The following PSMF1 variants were observed in gnomAD, a reference collection of about 807,000 sequenced individuals.
The protein encoded by PSMF1 is proteasome inhibitor subunit 1, also known as proteasome inhibitor PI31 subunit.
Under a neutral mutation model 29.3 loss-of-function variants are expected in PSMF1, and 30 were observed. The ratio of observed to expected loss-of-function variants is 1.02; its 90% confidence interval spans 0.77 to 1.39. The LOEUF is 1.39. Ranked by LOEUF, PSMF1 falls within the 40% of genes most tolerant of loss-of-function variation. The pLI is 0.00. For missense variants in PSMF1, 344 were observed against 357.5 expected (o/e 0.96, Z 0.31); for synonymous variants, 134 against 139.7 (o/e 0.96, Z 0.29).
Position 1,166,687 on chromosome 20 carries a change from T to C in PSMF1, c.*1607T>C, listed in dbSNP as rs768877793. On this transcript the variant is annotated 3_prime_UTR_variant, in exon 7 of 7. Transcript: ENST00000335877. The stretch of plus-strand genomic sequence containing the variant: ...GGGAAGCCAACCACCTTGAAACCTT[T>C]AGAACATCTCTGCTTTGGAGAAAGA... The C allele has an allele frequency of 1.1e-4, 22 of 193,174 alleles. No individual in the cohort carries two copies. Among genetic ancestry groups the C allele is most frequent in the Admixed American group, 5.2e-5 (1 of 19,080 alleles). The allele number at this position is 193,174 out of a possible 1,614,324, so 12.0% of individuals were successfully genotyped here. A position where few individuals can be genotyped will look rare whatever the true frequency, so the allele number is the denominator to read the frequency against.
Position 1,165,885 on chromosome 20 carries a change from T to C in PSMF1, c.*805T>C, listed in dbSNP as rs1264070801. On this transcript the variant is annotated 3_prime_UTR_variant, in exon 7 of 7. Coordinates refer to ENST00000335877, the MANE Select transcript of PSMF1 (RefSeq NM_006814.5). ...AATCTTATTTTTGCCACTAACTTAG[T>C]GAATGACCCTAAGCAAGTTCCTTCT... 4 of 1,201,010 alleles carry C rather than the reference T, an allele frequency of 3.3e-6. No homozygotes were observed. The highest frequency in any genetic ancestry group is 3.1e-6 in the Non-Finnish European group (3 of 959,474). The allele number at this position is 1,201,010 out of a possible 1,614,324, so 74.4% of individuals were successfully genotyped here. A position where few individuals can be genotyped will look rare whatever the true frequency, so the allele number is the denominator to read the frequency against.
rs569802177 is a variant in PSMF1 at position 1,131,890 on chromosome 20, G to A, written c.366-3231G>A. ...GGCCTGAATTTTACACATGCCTAGG[G>A]AGATCAGAGGCCTCCCTCTGATCTG... On this transcript the variant is annotated intron_variant, in intron 3 of 6. Coordinates refer to ENST00000335877, the MANE Select transcript of PSMF1 (RefSeq NM_006814.5). Among the ~76,000 whole-genome samples, 11 of 152,218 alleles carry A rather than the reference G, an allele frequency of 7.2e-5. No individual in the cohort carries two copies. The South Asian group carries it at 2.3e-3, about 32-fold the overall frequency.
chr20:1,156,726 G>T (rs2086599163), intron 4 of PSMF1, among the ~76,000 whole-genome samples: 2 of 152,132 alleles, frequency 1.3e-5, no homozygotes, highest in African/African-American at 4.8e-5. Context: ...GAAACTAAGA[G>T]AATTCATAGT....
intron 4 of PSMF1, among the ~76,000 whole-genome samples, chr20:1,143,380 A>G (rs540220672): frequency 6.6e-5 from 10 of 152,342 alleles, no homozygotes; most frequent in South Asian, 4.1e-4. Context: ...AAACAAGTCA[A>G]TGGAGGAAAG....
chr20:1,164,965 TG>T lies in PSMF1; in HGVS notation c.765-63del, dbSNP rs1471651321. 5.0e-6 allele frequency: 7 copies of T among 1,400,654 alleles called. No homozygotes were observed. The Admixed American group carries it at 1.0e-4, about 20-fold the overall frequency. The allele number at this position is 1,400,654 out of a possible 1,614,324, so 86.8% of individuals were successfully genotyped here. ...GGCAGGCTCCCTCAGTGCAGGGTCA[TG>T]TCTGCCCATGTTCCCCTGGTCTCTC... On this transcript the variant is annotated intron_variant, in intron 6 of 6. Transcript: ENST00000335877. The surrounding 1 kb of genome is among the most constrained non-coding windows in gnomAD (Gnocchi z 4.1).
chr20:1,126,746 G>C (rs144221125), intron 2 of PSMF1, among the ~76,000 whole-genome samples: 55 of 152,208 alleles, frequency 3.6e-4, no homozygotes, highest in Middle Eastern at 3.4e-3. Context: ...GGGCGTGGTC[G>C]TGGGTGCCTG....
In PSMF1 at chr20:1,163,598, C is replaced by T. The variant is rs2086693424; in HGVS notation, c.605+415C>T. Among the ~76,000 whole-genome samples the T allele has an allele frequency of 6.6e-6, 1 of 152,254 alleles. No homozygotes were observed. Among genetic ancestry groups the T allele is most frequent in the Admixed American group, 6.5e-5 (1 of 15,288 alleles). The stretch of plus-strand genomic sequence containing the variant: ...TCCAACAAAGTTACTACAGCCTCTG[C>T]TATCCACTGTCTTCCCTGAATGATT... On this transcript the variant is annotated intron_variant, in intron 5 of 6. Coordinates refer to ENST00000335877, the MANE Select transcript of PSMF1 (RefSeq NM_006814.5). This position sits in a 1 kb window ranked among gnomAD's most constrained non-coding sequence, Gnocchi z 6.1.
At chr20:1,113,969 G>C (rs887194988), upstream of PSMF1, among the ~76,000 whole-genome samples, 1 of 152,200 alleles carries the variant, frequency 6.6e-6, no homozygotes, top group Non-Finnish European at 1.5e-5. Flanking sequence ...GGGATTACAG[G>C]CGTGAGCCAC....
rs746281903 is a variant in PSMF1 at position 1,135,319 on chromosome 20, T to C, written c.551+13T>C. Reference sequence around the variant, plus strand: ...GGCAGCCTCCCTGGTGAGTACAGAGTGCCTAGCGGGAAGCCCATGCTTCTG... The same window carrying C: ...GGCAGCCTCCCTGGTGAGTACAGAGCGCCTAGCGGGAAGCCCATGCTTCTG... On this transcript the variant is annotated intron_variant, in intron 4 of 6. Transcript: ENST00000335877. 36 of 1,597,452 alleles carry C rather than the reference T, an allele frequency of 2.3e-5. No individual in the cohort carries two copies. The highest frequency in any genetic ancestry group is 1.2e-4 in the South Asian group (11 of 88,794).
intron 2 of PSMF1, among the ~76,000 whole-genome samples, chr20:1,126,239 T>G (rs1257731024): frequency 6.6e-6 from 1 of 152,248 alleles, no homozygotes; most frequent in Non-Finnish European, 1.5e-5. Context: ...TGTGCTTTGC[T>G]TTTATTCTGC....
intron 4 of PSMF1, among the ~76,000 whole-genome samples, chr20:1,147,569 A>G (rs879450437): frequency 6.6e-6 from 1 of 152,186 alleles, no homozygotes; most frequent in Non-Finnish European, 1.5e-5. Flanking sequence ...CTATTTCACA[A>G]GAGTAAGGCA....
At chr20:1,145,642 A>G (rs1255524437) in intron 4 of PSMF1, among the ~76,000 whole-genome samples, 1 of 152,198 alleles carries the variant, frequency 6.6e-6, no homozygotes, top group African/African-American at 2.4e-5. Flanking sequence ...GGGAAAGGAT[A>G]CAATACTCCT....
At chr20:1,150,389 G>A (rs887122591) in intron 4 of PSMF1, among the ~76,000 whole-genome samples, 3 of 152,018 alleles carry the variant, frequency 2.0e-5, no homozygotes, top group African/African-American at 7.2e-5. Flanking sequence ...TCATACTATG[G>A]CATCAGCAGT....
intron 4 of PSMF1, among the ~76,000 whole-genome samples, chr20:1,142,114 C>T (rs557973346): frequency 6.3e-4 from 96 of 152,184 alleles, no homozygotes; most frequent in Non-Finnish European, 1.0e-3. Flanking sequence ...CCCAGCTACT[C>T]GGGAGGCTGA....
chr20:1,140,968 T>C (rs1200041656), intron 4 of PSMF1, among the ~76,000 whole-genome samples: 1 of 152,204 alleles, frequency 6.6e-6, no homozygotes, highest in African/African-American at 2.4e-5. Flanking sequence ...ATAGCAAATA[T>C]GATATATGCT....
At chr20:1,136,556 C>T (rs890152440) in intron 4 of PSMF1, among the ~76,000 whole-genome samples, 69 of 152,192 alleles carry the variant, frequency 4.5e-4, no homozygotes, top group African/African-American at 1.6e-3. Flanking sequence ...TAACTTACCT[C>T]ATGCACATTT....
chr20:1,121,889 G>A (rs2268065), intron 1 of PSMF1, among the ~76,000 whole-genome samples: 121,877 of 152,092 alleles, frequency 0.8, 49,248 homozygotes, highest in Non-Finnish European at 0.83. Flanking sequence ...CAAGTGGTTT[G>A]GGTGCCAAGG....
upstream of PSMF1, among the ~76,000 whole-genome samples, chr20:1,115,372 G>C (rs902192790): frequency 6.6e-6 from 1 of 152,218 alleles, no homozygotes; most frequent in Admixed American, 6.5e-5. Flanking sequence ...TGACGGAGCT[G>C]TCTGCCCTGG....
At chr20:1,125,729 A>T in intron 2 of PSMF1, 79 bp downstream of exon 2, 1 of 1,517,880 alleles carries the variant, frequency 6.6e-7, no homozygotes, top group African/African-American at 1.4e-5. Flanking sequence ...AACGGTACGA[A>T]TCCAGAGCTT....
Sources: gnomAD v4.1 joint callset for allele counts (sites outside exome capture counted in the v4.1 genomes callset) on GRCh38, gnomAD v4.1.1 for gene constraint, Gnocchi (gnomAD v3.1) non-coding constraint, MANE v1.5 for transcripts, NCBI Gene and HGNC (gene_info 2026-07-23, HGNC 2026-07-21) for gene names.